Variants in RNF217 observed in about 807,000 individuals in gnomAD.
RNF217 encodes E3 ubiquitin-protein ligase RNF217.
A neutral mutation model predicts 57.8 loss-of-function variants in RNF217; 31 were observed. The observed-to-expected ratio is 0.54, with a 90% CI of 0.40 to 0.72. RNF217 has a LOEUF of 0.72. Among genes scored for constraint, RNF217 ranks in the 30% least tolerant of loss-of-function variants. The probability of loss-of-function intolerance (pLI) is 0.00; values close to 1 mark genes in which losing one functional copy is unlikely to be tolerated. For synonymous variants in RNF217, 313 were observed against 294.0 expected, an observed-to-expected ratio of 1.06 and a Z score of -0.66; for missense variants, 696 against 708.3, an observed-to-expected ratio of 0.98 and a Z score of 0.20.
intron 1 of RNF217, among the ~76,000 whole-genome samples, chr6:124,992,454 GTTTGTGGTTTATATTTCTAATGCT>G (rs1266347785): frequency 1.3e-5 from 2 of 152,108 alleles, no homozygotes; most frequent in African/African-American, 2.4e-5. Flanking sequence ...ACATAGGCTG[GTTTGTGGTTTATATTTCTAATGCT>G]GTGTAGATGT....
Position 125,068,797 on chromosome 6 carries a change from G to A in RNF217, c.1282-7860G>A, listed in dbSNP as rs560508408. Among the ~76,000 whole-genome samples, 4 of 152,280 alleles carry A rather than the reference G, an allele frequency of 2.6e-5. 1 individual carries two copies. In the South Asian group the frequency reaches 8.3e-4, roughly 32 times the overall value. On this transcript the variant is annotated intron_variant, in intron 3 of 5. Coordinates refer to ENST00000521654, the MANE Select transcript of RNF217 (RefSeq NM_001286398.3). Reference sequence around the variant, plus strand: ...CATGGGATTGCAGTCAGCTTAGGAGGAATTGAGATGCAAGTAAGAACAATG... The same window carrying A: ...CATGGGATTGCAGTCAGCTTAGGAGAAATTGAGATGCAAGTAAGAACAATG...
chr6:125,040,155 C>G (rs1038256785), intron 1 of RNF217, among the ~76,000 whole-genome samples: 1 of 152,060 alleles, frequency 6.6e-6, no homozygotes, highest in African/African-American at 2.4e-5. Context: ...AATCCAGGAG[C>G]TGTGTTTTTG....
chr6:124,993,408 A>G (rs1485860959), intron 1 of RNF217, among the ~76,000 whole-genome samples: 2 of 152,158 alleles, frequency 1.3e-5, no homozygotes, highest in South Asian at 2.1e-4. Context: ...AATTATTATC[A>G]TTAGCCCATC....
intron 1 of RNF217, among the ~76,000 whole-genome samples, chr6:125,038,844 T>C (rs1344251272): frequency 6.6e-6 from 1 of 152,110 alleles, no homozygotes; most frequent in Non-Finnish European, 1.5e-5. Flanking sequence ...ATTTAATTTT[T>C]AAGTTCTGTG....
At chr6:125,021,662 A>G (rs1017647819) in intron 1 of RNF217, among the ~76,000 whole-genome samples, 1 of 152,132 alleles carries the variant, frequency 6.6e-6, no homozygotes, top group Non-Finnish European at 1.5e-5. Flanking sequence ...TTATATGAAA[A>G]TGTTGATATT....
chr6:124,996,503 A>T (rs1784755979), intron 1 of RNF217: 1 of 151,862 alleles, frequency 6.6e-6, no homozygotes, highest in Non-Finnish European at 1.5e-5. Context: ...TTCTTTTTCT[A>T]TTTTTATGAT....
chr6:124,967,576 CA>C (rs1783592586), intron 1 of RNF217, among the ~76,000 whole-genome samples: 1 of 152,136 alleles, frequency 6.6e-6, no homozygotes, highest in Non-Finnish European at 1.5e-5. Context: ...GGAATGTATA[CA>C]CCTGTCCAAT....
rs1788919886 is a variant in RNF217, at chr6:125,090,864, TA to T, written c.*7928del. ...TTAACCTTTTCTCCATTTCATTAGTTATACTATTAACTTTGATAATCACAAA... is the reference window on the plus strand; with the variant it reads ...TTAACCTTTTCTCCATTTCATTAGTTTACTATTAACTTTGATAATCACAAA... On this transcript the variant is annotated 3_prime_UTR_variant, in exon 6 of 6. Transcript: ENST00000521654. The T allele has an allele frequency of 6.6e-6, 1 of 151,972 alleles. No homozygotes were observed. The highest frequency in any genetic ancestry group is 1.5e-5 in the Non-Finnish European group (1 of 67,894). The allele number at this position is 151,972 out of a possible 1,614,324, so 9.4% of individuals were successfully genotyped here.
At chr6:125,007,014 G>C (rs189258144) in intron 1 of RNF217, among the ~76,000 whole-genome samples, 20 of 152,262 alleles carry the variant, frequency 1.3e-4, no homozygotes, top group African/African-American at 4.8e-4. Context: ...TTTTTTATTT[G>C]TTCTGTTACA....
Position 125,019,465 on chromosome 6 carries a change from C to T in RNF217, c.883-25746C>T, listed in dbSNP as rs554224564. 1.6e-3 allele frequency among the ~76,000 whole-genome samples: 236 copies of T among 152,226 alleles called. 3 individuals carry two copies. The South Asian group carries it at 0.018, about 11-fold the overall frequency. On this transcript the variant is annotated intron_variant, in intron 1 of 5. Coordinates refer to ENST00000521654, the MANE Select transcript of RNF217 (RefSeq NM_001286398.3). ...GAATACTGTGACTATATAAGCAACA[C>T]TTTTTATTGCTGAGTCTAACAATAT...
At chr6:125,019,478 A>G (rs1354712659) in intron 1 of RNF217, among the ~76,000 whole-genome samples, 1 of 152,206 alleles carries the variant, frequency 6.6e-6, no homozygotes, top group Non-Finnish European at 1.5e-5. Context: ...TTTATTGCTG[A>G]GTCTAACAAT....
chr6:124,987,126 T>G (rs1264281503), intron 1 of RNF217, among the ~76,000 whole-genome samples: 1 of 152,252 alleles, frequency 6.6e-6, no homozygotes, highest in Non-Finnish European at 1.5e-5. Context: ...TATTTGCCTT[T>G]TAGAATTTCA....
intron 2 of RNF217, among the ~76,000 whole-genome samples, chr6:125,057,208 C>G (rs1787555939): frequency 6.6e-6 from 1 of 152,142 alleles, no homozygotes; most frequent in Non-Finnish European, 1.5e-5. Context: ...GATGGTCTCT[C>G]TCTGTCGCCC....
chr6:125,009,357 G>A (rs1184342450), intron 1 of RNF217: 3 of 943,076 alleles, frequency 3.2e-6, no homozygotes, highest in Admixed American at 1.8e-5. Context: ...AACACCTCCT[G>A]TGAAGCCCTC....
At chr6:124,995,783 G>A (rs1294862549) in intron 1 of RNF217, among the ~76,000 whole-genome samples, 9 of 152,178 alleles carry the variant, frequency 5.9e-5, no homozygotes, top group Admixed American at 2.0e-4. Context: ...TTAGCTGGGC[G>A]TGGTGATGGA....
At chr6:125,029,987 C>G (rs1201483099) in intron 1 of RNF217, among the ~76,000 whole-genome samples, 1 of 152,046 alleles carries the variant, frequency 6.6e-6, no homozygotes, top group African/African-American at 2.4e-5. Context: ...TATAATTGGA[C>G]TTAAGAGTTA....
At chr6:124,974,717 A>G (rs958681373) in intron 1 of RNF217, among the ~76,000 whole-genome samples, 2 of 152,232 alleles carry the variant, frequency 1.3e-5, no homozygotes, top group Non-Finnish European at 2.9e-5. Context: ...TATATTCTGT[A>G]TAGAAATAGT....
chr6:124,981,498 AAG>A (rs1309791959), intron 1 of RNF217, among the ~76,000 whole-genome samples: 1 of 152,198 alleles, frequency 6.6e-6, no homozygotes, highest in Non-Finnish European at 1.5e-5. Context: ...ATAGGTAGAT[AAG>A]AGACAAAAGA....
intron 1 of RNF217, among the ~76,000 whole-genome samples, chr6:125,012,403 G>A (rs1785447221): frequency 1.3e-5 from 2 of 152,186 alleles, no homozygotes; most frequent in African/African-American, 4.8e-5. Flanking sequence ...TCTACAGTGT[G>A]TTTTTATGTA....
Sources: gnomAD v4.1 joint callset for allele counts (sites outside exome capture counted in the v4.1 genomes callset) on GRCh38, gnomAD v4.1.1 for gene constraint, MANE v1.5 for transcripts, NCBI Gene and HGNC (gene_info 2026-07-23, HGNC 2026-07-21) for gene names.